Variants in RAB22A observed in about 807,000 individuals in gnomAD.
RAB22A encodes the protein RAB22A, member RAS oncogene family.
In RAB22A, 13 loss-of-function variants were observed where a neutral mutation model predicts 30.2. The ratio of observed to expected loss-of-function variants is 0.43; its 90% CI spans 0.28 to 0.68. RAB22A has a LOEUF of 0.68. Among genes scored for constraint, RAB22A ranks in the 30% least tolerant of loss-of-function variants. RAB22A has a pLI of 0.18. For missense variants in RAB22A, 177 were observed against 246.8 expected, an observed-to-expected ratio of 0.72 and a Z score of 1.89; for synonymous variants, 89 against 87.2, an observed-to-expected ratio of 1.02 and a Z score of -0.11.
At chr20:58,327,599 G>T (rs1986590321) in intron 2 of RAB22A, among the ~76,000 whole-genome samples, 1 of 152,178 alleles carries the variant, frequency 6.6e-6, no homozygotes, top group Non-Finnish European at 1.5e-5. Flanking sequence ...CTACTTTTGG[G>T]AGTCATCTAC....
rs767996501 is a variant in RAB22A at position 58,362,372 on chromosome 20, TATA to T, written c.*2675_*2677del. On this transcript the variant is annotated 3_prime_UTR_variant, in exon 7 of 7. Transcript: ENST00000244040. ...TCTAATACACATTTCATATTTTCTT[TATA>T]ATAATTTCTTATGGAGAAGAGGCTA... is the stretch of plus-strand genomic sequence containing the variant. The T allele has an allele frequency of 9.2e-5, 14 of 152,252 alleles. No homozygotes were observed. The highest frequency in any genetic ancestry group is 1.5e-5 in the Non-Finnish European group (1 of 68,046). 9.4% of individuals were successfully genotyped at this position (152,252 alleles called of 1,614,324 possible).
chr20:58,330,787 A>G (rs760501904), intron 2 of RAB22A, among the ~76,000 whole-genome samples: 19 of 152,026 alleles, frequency 1.2e-4, no homozygotes, highest in Non-Finnish European at 2.1e-4. Flanking sequence ...TAAACTCCCA[A>G]CTTTTCTCCC....
chr20:58,359,526 C>A, intron 6 of RAB22A, 80 bp from the exon 7 acceptor site: 13 of 699,540 alleles, frequency 1.9e-5, no homozygotes, highest in Non-Finnish European at 2.6e-5. Context: ...TTCAGTGAAA[C>A]CTGTCAAATT....
intron 3 of RAB22A, among the ~76,000 whole-genome samples, chr20:58,348,333 G>C (rs1986986392): frequency 1.3e-5 from 2 of 152,212 alleles, no homozygotes. Flanking sequence ...TGTTTTTACA[G>C]AGATCAGAAC....
chr20:58,336,272 A>G (rs1986751203), intron 2 of RAB22A, among the ~76,000 whole-genome samples: 2 of 152,156 alleles, frequency 1.3e-5, no homozygotes, highest in South Asian at 4.1e-4. Flanking sequence ...TTGGCCTTCC[A>G]AAGTGCTGGG....
chr20:58,313,961 C>A (rs554565934), intron 2 of RAB22A, among the ~76,000 whole-genome samples: 11 of 152,258 alleles, frequency 7.2e-5, no homozygotes, highest in African/African-American at 2.6e-4. Context: ...TTTGCTGACC[C>A]CGATCTAGAC....
In RAB22A at chr20:58,366,905, G is replaced by T. The variant is rs1987329602; in HGVS notation, c.*7202G>T. ...TGAAGAAAAACAGCTATGGCAATGAGCCTAGACATTTTTCAAAAAAAAAAG... is the reference window on the plus strand; with the variant it reads ...TGAAGAAAAACAGCTATGGCAATGATCCTAGACATTTTTCAAAAAAAAAAG... On this transcript the variant is annotated 3_prime_UTR_variant, in exon 7 of 7. Coordinates refer to ENST00000244040, the MANE Select transcript of RAB22A (RefSeq NM_020673.3). 6.6e-6 allele frequency: 1 copy of T among 152,468 alleles called. No homozygotes were observed. Among genetic ancestry groups the T allele is most frequent in the African/African-American group, 2.4e-5 (1 of 41,384 alleles). The allele number at this position is 152,468 out of a possible 1,614,324, so 9.4% of individuals were successfully genotyped here.
intron 2 of RAB22A, among the ~76,000 whole-genome samples, chr20:58,343,163 C>T (rs1221436625): frequency 6.6e-6 from 1 of 152,128 alleles, no homozygotes; most frequent in African/African-American, 2.4e-5. Flanking sequence ...GTCAGGGGCA[C>T]TGATGATGAA....
intron 2 of RAB22A, among the ~76,000 whole-genome samples, chr20:58,333,963 T>TG (rs1011908985): frequency 6.6e-6 from 1 of 151,936 alleles, no homozygotes; most frequent in South Asian, 2.1e-4. Context: ...GAGACTGAGG[T>TG]GGGAGGATTG....
At chr20:58,313,655 A>G (rs1046331780) in intron 2 of RAB22A, among the ~76,000 whole-genome samples, 1 of 152,094 alleles carries the variant, frequency 6.6e-6, no homozygotes, top group African/African-American at 2.4e-5. Context: ...ACCAGTTTCC[A>G]TCTAATAGCC....
intron 2 of RAB22A, among the ~76,000 whole-genome samples, chr20:58,313,919 A>G (rs1986281999): frequency 6.6e-6 from 1 of 152,190 alleles, no homozygotes; most frequent in Non-Finnish European, 1.5e-5. Context: ...CAAACCCAAA[A>G]ATATTTGCTA....
intron 2 of RAB22A, among the ~76,000 whole-genome samples, chr20:58,326,248 C>G (rs558242959): frequency 3.9e-5 from 6 of 152,124 alleles, no homozygotes; most frequent in Non-Finnish European, 7.4e-5. Flanking sequence ...TACCATCCAC[C>G]TTAATCAAAA....
intron 2 of RAB22A, among the ~76,000 whole-genome samples, chr20:58,333,244 A>T (rs1986691834): frequency 6.6e-6 from 1 of 150,616 alleles, no homozygotes; most frequent in East Asian, 1.9e-4. Context: ...ATGCCATTGC[A>T]CTCCAGCCTG....
chr20:58,318,394 C>A (rs931656526), intron 2 of RAB22A, among the ~76,000 whole-genome samples: 1 of 151,984 alleles, frequency 6.6e-6, no homozygotes, highest in Admixed American at 6.5e-5. Context: ...GTTGAGTATC[C>A]CAAATACAAA....
chr20:58,351,440 A>G (rs924348191), intron 3 of RAB22A, among the ~76,000 whole-genome samples: 2 of 152,222 alleles, frequency 1.3e-5, no homozygotes, highest in Non-Finnish European at 2.9e-5. Flanking sequence ...AGAAGTTAAT[A>G]TACTAAAATT....
At chr20:58,335,720 T>C (rs534069663) in intron 2 of RAB22A, among the ~76,000 whole-genome samples, 1 of 152,330 alleles carries the variant, frequency 6.6e-6, no homozygotes, top group East Asian at 1.9e-4. Context: ...GTTTTGAATA[T>C]TGAAACATAT....
intron 2 of RAB22A, among the ~76,000 whole-genome samples, chr20:58,320,092 G>A (rs1022607191): frequency 6.6e-6 from 1 of 152,008 alleles, no homozygotes; most frequent in African/African-American, 2.4e-5. Context: ...CTCTAGTTCT[G>A]GTGTCAGGAC....
chr20:58,318,115 G>C (rs1164696262), intron 2 of RAB22A, among the ~76,000 whole-genome samples: 1 of 152,168 alleles, frequency 6.6e-6, no homozygotes, highest in Non-Finnish European at 1.5e-5. Context: ...TGATCCTCCT[G>C]CCTTGGCCTC....
intron 2 of RAB22A, among the ~76,000 whole-genome samples, chr20:58,325,721 A>G (rs970596651): frequency 6.6e-6 from 1 of 152,200 alleles, no homozygotes; most frequent in African/African-American, 2.4e-5. Flanking sequence ...TATGATATAA[A>G]TCCTTGGAAG....
Sources: gnomAD v4.1 joint callset for allele counts (sites outside exome capture counted in the v4.1 genomes callset) on GRCh38, gnomAD v4.1.1 for gene constraint, MANE v1.5 for transcripts, NCBI Gene and HGNC (gene_info 2026-07-23, HGNC 2026-07-21) for gene names.